NDC1: variants seen among roughly 807,000 people sequenced by gnomAD.
NDC1 encodes the protein nucleoporin NDC1.
In NDC1, 24 loss-of-function variants were observed where a neutral mutation model predicts 89.8. The observed-to-expected ratio is 0.27, with a 90% CI of 0.19 to 0.38. The LOEUF is 0.38. Ranked by LOEUF, NDC1 falls within the 10% of genes least tolerant of loss-of-function variation. The probability of loss-of-function intolerance (pLI) is 1.00; values close to 1 mark genes in which losing one functional copy is unlikely to be tolerated. For synonymous variants in NDC1, 296 were observed against 284.8 expected, an observed-to-expected ratio of 1.04 and a Z score of -0.39; for missense variants, 728 against 797.6, an observed-to-expected ratio of 0.91 and a Z score of 1.05.
chr1:53,818,728 A>G (rs1378237828), intron 6 of NDC1, among the ~76,000 whole-genome samples: 1 of 152,250 alleles, frequency 6.6e-6, no homozygotes, highest in East Asian at 1.9e-4. Context: ...TTCAAGCTGT[A>G]GTACATAACA....
At position 53,787,348 on chromosome 1, in the gene NDC1, G is replaced by T. The variant is rs1161612347; in HGVS notation, c.1700-90C>A. 8 of 759,454 alleles carry T rather than the reference G, an allele frequency of 1.1e-5. No individual in the cohort carries two copies. In the East Asian group the frequency reaches 1.8e-4, roughly 17 times the overall value. 47.0% of individuals were successfully genotyped at this position (759,454 alleles called of 1,614,324 possible). A position where few individuals can be genotyped will look rare whatever the true frequency, so the allele number is the denominator to read the frequency against. On this transcript the variant is annotated intron_variant, in intron 15 of 17. Transcript: ENST00000371429. ...CTATTTTAGGAAGGATTAATATTCT[G>T]AATATAAAAAGAAATAAAGGCTGGG...
chr1:53,768,668 T>A lies in NDC1; in HGVS notation c.1962-635A>T, dbSNP rs189648528. Among the ~76,000 whole-genome samples the A allele has an allele frequency of 7.2e-5, 11 of 152,134 alleles. 1 individual carries two copies. The South Asian group carries it at 2.3e-3, about 32-fold the overall frequency. ...TAAACTTTTGGGCAAAAATTGAATA[T>A]AATGAAAAATTCCGGTTTTCTAGTT... On this transcript the variant is annotated intron_variant, in intron 17 of 17. Coordinates refer to ENST00000371429, the MANE Select transcript of NDC1 (RefSeq NM_018087.5).
intron 16 of NDC1, among the ~76,000 whole-genome samples, chr1:53,785,640 T>C (rs1178146874): frequency 1.3e-5 from 2 of 152,092 alleles, no homozygotes; most frequent in African/African-American, 4.8e-5. Flanking sequence ...TGGCATAATC[T>C]TGGCTCACTG....
intron 17 of NDC1, among the ~76,000 whole-genome samples, chr1:53,770,686 G>A (rs891606593): frequency 2.0e-5 from 3 of 151,422 alleles, no homozygotes; most frequent in South Asian, 2.1e-4. Flanking sequence ...ACCGAGTCTC[G>A]CTCTGTTGTC....
intron 16 of NDC1, among the ~76,000 whole-genome samples, chr1:53,778,270 CA>C (rs1428463743): frequency 2.6e-5 from 4 of 150,996 alleles, no homozygotes; most frequent in African/African-American, 9.8e-5. Context: ...TACACACACA[CA>C]CACACACACA....
intron 9 of NDC1, among the ~76,000 whole-genome samples, chr1:53,804,475 A>AT (rs1006445014): frequency 6.7e-5 from 10 of 150,220 alleles, no homozygotes; most frequent in African/African-American, 1.5e-4. Context: ...GTGATACCTA[A>AT]TTTTTTTTTT....
At chr1:53,777,053 G>A (rs1647169587) in intron 16 of NDC1, among the ~76,000 whole-genome samples, 2 of 151,376 alleles carry the variant, frequency 1.3e-5, no homozygotes, top group African/African-American at 4.9e-5. Context: ...TTAGAGACAG[G>A]GTCTCACTCT....
At chr1:53,832,455 C>T (rs1649097075) in intron 3 of NDC1, 35 bp downstream of exon 3, 1 of 1,086,300 alleles carries the variant, frequency 9.2e-7, no homozygotes, top group African/African-American at 1.6e-5. Context: ...AATAAATTCG[C>T]ATATTTCTAA....
At chr1:53,806,547 T>C (rs1648117508) in intron 8 of NDC1, 30 bp from the exon 9 acceptor site, 1 of 1,357,530 alleles carries the variant, frequency 7.4e-7, no homozygotes, top group Non-Finnish European at 9.8e-7. Context: ...CCAAAAATGA[T>C]TATTTTCATG....
intron 3 of NDC1, among the ~76,000 whole-genome samples, chr1:53,831,090 T>C (rs967913558): frequency 1.3e-5 from 2 of 151,606 alleles, no homozygotes; most frequent in Admixed American, 6.6e-5. Context: ...CCAGGCATGG[T>C]GGCGGGTGCC....
chr1:53,833,822 G>C (rs1649144525), intron 2 of NDC1, among the ~76,000 whole-genome samples: 1 of 151,628 alleles, frequency 6.6e-6, no homozygotes, highest in Non-Finnish European at 1.5e-5. Flanking sequence ...ACAATTCATT[G>C]ACCTAAATTT....
intron 15 of NDC1, among the ~76,000 whole-genome samples, chr1:53,788,559 C>G (rs1344139454): frequency 6.6e-6 from 1 of 152,120 alleles, no homozygotes; most frequent in South Asian, 2.1e-4. Flanking sequence ...TCCCGAGTAG[C>G]TGGGTTATAG....
rs201351396 is a variant in NDC1 at position 53,835,703 on chromosome 1, G to A, written c.58-83C>T. ...CAAATCCTATCTTTTCATACAGGAT[G>A]TTAACCACTAACTCAGATCATAATC... On this transcript the variant is annotated intron_variant, in intron 1 of 17. Coordinates refer to ENST00000371429, the MANE Select transcript of NDC1 (RefSeq NM_018087.5). The A allele has an allele frequency of 8.6e-4, 1,020 of 1,183,608 alleles. 15 individuals carry two copies. The highest frequency in any genetic ancestry group is 4.9e-4 in the South Asian group (33 of 67,810). The allele number at this position is 1,183,608 out of a possible 1,614,324, so 73.3% of individuals were successfully genotyped here.
At chr1:53,786,793 C>A (rs1158989477) in intron 16 of NDC1, among the ~76,000 whole-genome samples, 1 of 152,114 alleles carries the variant, frequency 6.6e-6, no homozygotes, top group East Asian at 1.9e-4. Context: ...AAACTCCTGG[C>A]TCCAACGATC....
chr1:53,835,036 C>T (rs1649184549), intron 2 of NDC1, among the ~76,000 whole-genome samples: 1 of 152,100 alleles, frequency 6.6e-6, no homozygotes, highest in South Asian at 2.1e-4. Flanking sequence ...TGAGCCAAGA[C>T]TGAGCCACTG....
At chr1:53,795,681 C>A (rs190553352) in intron 13 of NDC1, among the ~76,000 whole-genome samples, 1 of 152,182 alleles carries the variant, frequency 6.6e-6, no homozygotes, top group Admixed American at 6.5e-5. Flanking sequence ...CATCTTACAG[C>A]CCCCACCACT....
At chr1:53,815,892 C>G (rs964815707) in intron 6 of NDC1, among the ~76,000 whole-genome samples, 1 of 152,172 alleles carries the variant, frequency 6.6e-6, no homozygotes, top group Non-Finnish European at 1.5e-5. Flanking sequence ...GTATACCTAA[C>G]CAAGGAGTCG....
chr1:53,813,340 A>G (rs1648373284), intron 6 of NDC1, among the ~76,000 whole-genome samples: 2 of 152,200 alleles, frequency 1.3e-5, no homozygotes, highest in Admixed American at 1.3e-4. Context: ...GAACCACAGA[A>G]TGGATAAGAA....
In NDC1 at chr1:53,793,209, C is replaced by CTATAA; in HGVS notation, c.1635+15_1635+19dup. On this transcript the variant is annotated intron_variant, in intron 14 of 17. Transcript: ENST00000371429. ...ATTTCCTCCCTCCCCATTCCCAACG[C>CTATAA]TATAACCACATATTCTTACCTTACT... 1.3e-6 allele frequency: 2 copies of CTATAA among 1,590,234 alleles called. No homozygotes were observed. The highest frequency in any genetic ancestry group is 8.6e-7 in the Non-Finnish European group (1 of 1,158,668).
Sources: gnomAD v4.1 joint callset for allele counts (sites outside exome capture counted in the v4.1 genomes callset) on GRCh38, gnomAD v4.1.1 for gene constraint, MANE v1.5 for transcripts, NCBI Gene and HGNC (gene_info 2026-07-23, HGNC 2026-07-21) for gene names.